AGBL4: variants seen among roughly 807,000 people sequenced by gnomAD.
The protein encoded by AGBL4 is AGBL carboxypeptidase 4.
In AGBL4, 58 loss-of-function variants were observed where a neutral mutation model predicts 66.4. That is an observed-to-expected ratio of 0.87 (90% CI 0.71 to 1.09). The LOEUF (loss-of-function observed/expected upper bound fraction) is 1.09. Among genes scored for constraint, AGBL4 ranks in the 50% least tolerant of loss-of-function variants. The pLI, the probability that AGBL4 is intolerant of heterozygous loss-of-function variation, is 0.00. For missense variants in AGBL4, 579 were observed against 631.0 expected (o/e 0.92, Z 0.88); for synonymous variants, 234 against 222.9 (o/e 1.05, Z -0.44).
chr1:49,846,007 C>G, intron 2 of AGBL4: 1 of 1,594,984 alleles, frequency 6.3e-7, no homozygotes. Context: ...CCTACAAATG[C>G]AACCAGTGTG....
chr1:48,564,620 T>TACA (rs1436020483), intron 11 of AGBL4, among the ~76,000 whole-genome samples: 1 of 152,218 alleles, frequency 6.6e-6, no homozygotes, highest in Admixed American at 6.5e-5. Flanking sequence ...CCAGCATGTA[T>TACA]ACCAGTATCA....
chr1:48,752,437 A>G (rs1428690465), intron 6 of AGBL4, among the ~76,000 whole-genome samples: 2 of 152,242 alleles, frequency 1.3e-5, no homozygotes, highest in African/African-American at 4.8e-5. Flanking sequence ...GACAAATTCT[A>G]TAAGCTACAG....
intron 6 of AGBL4, among the ~76,000 whole-genome samples, chr1:48,859,187 C>T (rs1647284067): frequency 1.3e-5 from 2 of 152,042 alleles, no homozygotes; most frequent in Non-Finnish European, 2.9e-5. Context: ...ACCTATTTTC[C>T]CAGCTTATTA....
intron 3 of AGBL4, among the ~76,000 whole-genome samples, chr1:49,620,846 T>G (rs1645345701): frequency 6.6e-6 from 1 of 152,172 alleles, no homozygotes; most frequent in South Asian, 2.1e-4. Context: ...TTTTTACTTT[T>G]ATGTAACCAA....
chr1:49,355,667 G>A (rs569370739), intron 3 of AGBL4, among the ~76,000 whole-genome samples: 2 of 152,234 alleles, frequency 1.3e-5, no homozygotes, highest in African/African-American at 4.8e-5. Context: ...TTCATCTTCT[G>A]TTCTCTGACC....
At chr1:49,651,211 C>T (rs1427272243) in intron 3 of AGBL4, among the ~76,000 whole-genome samples, 2 of 152,116 alleles carry the variant, frequency 1.3e-5, no homozygotes, top group African/African-American at 4.8e-5. Flanking sequence ...GCAACAAGGG[C>T]ATGATAGGGA....
chr1:49,656,754 A>C (rs997251903), intron 3 of AGBL4, among the ~76,000 whole-genome samples: 2 of 152,150 alleles, frequency 1.3e-5, no homozygotes, highest in African/African-American at 4.8e-5. Context: ...AAAGACAAAA[A>C]CCACACGATT....
In AGBL4 at chr1:49,562,250, C is replaced by A. The variant is rs1400384895; in HGVS notation, c.282+135063G>T. On this transcript the variant is annotated intron_variant, in intron 3 of 13. Coordinates refer to ENST00000371839, the MANE Select transcript of AGBL4 (RefSeq NM_032785.4). ...TAGGTTGCAAAAATCTTCTCCCATTCTGTAGGTTGCCTGTTCACTCTGATG... is the reference window on the plus strand; with the variant it reads ...TAGGTTGCAAAAATCTTCTCCCATTATGTAGGTTGCCTGTTCACTCTGATG... Among the ~76,000 whole-genome samples the A allele has an allele frequency of 2.0e-5, 3 of 152,084 alleles. No homozygotes were observed. The East Asian group carries it at 5.8e-4, about 29-fold the overall frequency.
rs572264708 is a variant in AGBL4, at chr1:49,421,542, A to G, written c.283-175678T>C. On this transcript the variant is annotated intron_variant, in intron 3 of 13. Transcript: ENST00000371839. ...GTTATCAAGCAAAAATAAAATTGAC[A>G]AGAGAAAAAACGAAGAAATAACCTA... is the stretch of plus-strand genomic sequence containing the variant. Among the ~76,000 whole-genome samples, 3 of 152,356 alleles carry G rather than the reference A, an allele frequency of 2.0e-5. No individual in the cohort carries two copies. In the East Asian group the frequency reaches 5.8e-4, roughly 29 times the overall value.
chr1:49,085,394 C>A (rs1255889776), intron 4 of AGBL4, among the ~76,000 whole-genome samples: 2 of 151,898 alleles, frequency 1.3e-5, no homozygotes, highest in African/African-American at 4.8e-5. Flanking sequence ...TTGTGTTGGA[C>A]TGAATTACAT....
At chr1:48,709,498 A>AC (rs1646930510) in intron 6 of AGBL4, among the ~76,000 whole-genome samples, 2 of 151,846 alleles carry the variant, frequency 1.3e-5, no homozygotes, top group Admixed American at 6.6e-5. Flanking sequence ...GGGCTTCCCC[A>AC]CCCCCCAAAT....
chr1:48,525,513 A>T, the AGBL4 span, among the ~76,000 whole-genome samples: 1 of 152,184 alleles, frequency 6.6e-6, no homozygotes, highest in Non-Finnish European at 1.5e-5. Flanking sequence ...ATATTGGAAA[A>T]TGTTTTTCAA....
intron 1 of AGBL4, among the ~76,000 whole-genome samples, chr1:49,886,803 G>A (rs1648083593): frequency 6.6e-6 from 1 of 152,042 alleles, no homozygotes; most frequent in Non-Finnish European, 1.5e-5. Flanking sequence ...ACTGCATTCT[G>A]GTTCCCAAAT....
chr1:49,365,898 T>G (rs186086022), intron 3 of AGBL4, among the ~76,000 whole-genome samples: 1 of 152,160 alleles, frequency 6.6e-6, no homozygotes, highest in African/African-American at 2.4e-5. Flanking sequence ...TGAATGCCTG[T>G]CTGTGAAATG....
chr1:48,565,346 C>CA (rs1317801409), intron 11 of AGBL4, among the ~76,000 whole-genome samples: 4 of 152,146 alleles, frequency 2.6e-5, no homozygotes, highest in African/African-American at 9.7e-5. Flanking sequence ...AACATAAACG[C>CA]AGATGGGACA....
chr1:48,662,103 T>C (rs1284383717), intron 7 of AGBL4, among the ~76,000 whole-genome samples: 2 of 152,212 alleles, frequency 1.3e-5, no homozygotes, highest in Non-Finnish European at 2.9e-5. Flanking sequence ...ATTGTAAGAA[T>C]ACGAACTGGG....
chr1:48,679,607 A>G (rs1232762641), intron 6 of AGBL4, among the ~76,000 whole-genome samples: 4 of 152,128 alleles, frequency 2.6e-5, no homozygotes, highest in East Asian at 1.9e-4. Flanking sequence ...TGTCACCCTC[A>G]TTTCACAGAG....
intron 11 of AGBL4, among the ~76,000 whole-genome samples, chr1:48,545,419 A>G (rs1644143289): frequency 6.6e-6 from 1 of 152,216 alleles, no homozygotes; most frequent in Admixed American, 6.5e-5. Context: ...AAGAAACAGG[A>G]CATGGGCAGG....
At chr1:48,784,832 A>G (rs1486831647) in intron 6 of AGBL4, among the ~76,000 whole-genome samples, 1 of 152,264 alleles carries the variant, frequency 6.6e-6, no homozygotes, top group African/African-American at 2.4e-5. Context: ...ACTCTGCATA[A>G]GCAACAAAAA....
Sources: gnomAD v4.1 joint callset for allele counts (sites outside exome capture counted in the v4.1 genomes callset) on GRCh38, gnomAD v4.1.1 for gene constraint, MANE v1.5 for transcripts, NCBI Gene and HGNC (gene_info 2026-07-23, HGNC 2026-07-21) for gene names.